Variants in NEB observed in about 807,000 individuals in gnomAD.
The protein encoded by NEB is nebulin.
Under a neutral mutation model 952.2 loss-of-function variants are expected in NEB, and 512 were observed. That is an observed-to-expected ratio of 0.54 (90% CI 0.50 to 0.58). The LOEUF (loss-of-function observed/expected upper bound fraction) is 0.58. Ranked by LOEUF, NEB falls within the 20% of genes least tolerant of loss-of-function variation. The probability of loss-of-function intolerance (pLI) is 0.00; values close to 1 mark genes in which losing one functional copy is unlikely to be tolerated. For synonymous variants in NEB, 2,900 were observed against 3,149.8 expected, an observed-to-expected ratio of 0.92 and a Z score of 2.66; for missense variants, 8,428 against 9,231.1, an observed-to-expected ratio of 0.91 and a Z score of 3.56.
intron 135 of NEB, among the ~76,000 whole-genome samples, chr2:151,543,833 C>T (rs755759817): frequency 1.2e-4 from 18 of 152,142 alleles, no homozygotes; most frequent in Non-Finnish European, 2.2e-4. Context: ...ATTATATTTC[C>T]CCTGTACTTA....
rs577322365 is a variant in NEB, at chr2:151,637,616, C to T, written c.8995-1282G>A. ...ACCTGGGCCTCCTGGGACTGGCAGC[C>T]GAGTAGCCGCACTAACACATCTCTG... On this transcript the variant is annotated intron_variant, in intron 63 of 181. Transcript: ENST00000397345. Among the ~76,000 whole-genome samples, 69 of 152,238 alleles carry T rather than the reference C, an allele frequency of 4.5e-4. No individual in the cohort carries two copies. In the South Asian group the frequency reaches 8.5e-3, roughly 19 times the overall value.
intron 168 of NEB, among the ~76,000 whole-genome samples, chr2:151,500,064 G>A (rs111835809): frequency 2.6e-5 from 4 of 152,144 alleles, no homozygotes; most frequent in Admixed American, 1.3e-4. Flanking sequence ...TTTGAAAATC[G>A]TTGCAAGCCT....
chr2:151,663,030 T>G (rs1280089971), intron 45 of NEB, among the ~76,000 whole-genome samples: 1 of 152,210 alleles, frequency 6.6e-6, no homozygotes, highest in African/African-American at 2.4e-5. Context: ...ACTCTTTAGC[T>G]AAATTCTTGG....
chr2:151,702,751 C>T (rs975107695), intron 13 of NEB, among the ~76,000 whole-genome samples: 2 of 152,116 alleles, frequency 1.3e-5, no homozygotes, highest in African/African-American at 4.8e-5. Context: ...TATTTTGAGC[C>T]TATGTGTGTC....
chr2:151,510,922 C>T (rs1175203905), intron 161 of NEB, among the ~76,000 whole-genome samples: 3 of 152,152 alleles, frequency 2.0e-5, no homozygotes, highest in South Asian at 2.1e-4. Context: ...CATTGGAAAT[C>T]GAGAAGCAAG....
Position 151,665,520 on chromosome 2 carries a change from A to G in NEB, c.5051T>C (p.Phe1684Ser). 1.9e-6 allele frequency: 3 copies of G among 1,607,352 alleles called. No individual in the cohort carries two copies. Among genetic ancestry groups the G allele is most frequent in the South Asian group, 2.2e-5 (2 of 89,540 alleles). Reference sequence around the variant, plus strand: ...GCCGATCCCTTTCATCCAATTGGTGAAGTCAGATTTGTACAGATTCTTTAC... The same window carrying G: ...GCCGATCCCTTTCATCCAATTGGTGGAGTCAGATTTGTACAGATTCTTTAC... ...IQSDNLYKSD[F>S]TNWMKGIGWV... is the part of the protein sequence containing the mutation. Residue 1684 changes from phenylalanine (F) to serine (S), a missense_variant, in exon 42 of 182, where the codon TTC (phenylalanine) becomes TCC (serine). This residue lies in a region of NEB where 2,851 missense variants were observed against 2,791.5 expected (regional missense o/e 1.02). Coordinates refer to ENST00000397345, the MANE Select transcript of NEB (RefSeq NM_001164508.2).
chr2:151,657,838 C>G, intron 48 of NEB, 145 bp downstream of exon 48: 2 of 643,050 alleles, frequency 3.1e-6, no homozygotes, highest in Non-Finnish European at 5.3e-6. Context: ...TCAGAGAAAA[C>G]ACAAAAGCAA....
intron 113 of NEB, 94 bp from the exon 114 acceptor site, chr2:151,567,573 G>T: frequency 8.3e-7 from 1 of 1,203,830 alleles, no homozygotes; most frequent in Non-Finnish European, 1.1e-6. Flanking sequence ...AGCAAATTCA[G>T]CCCCCCAGCT....
chr2:151,642,675 A>G lies in NEB; in HGVS notation c.8272T>C (p.Tyr2758His). Reference protein sequence around the residue: ...QNKVNYSEKLYKLGLEEAKRK... With the variant: ...QNKVNYSEKLHKLGLEEAKRK... The stretch of plus-strand genomic sequence containing the variant: ...TTGGCTTCTTCTAGGCCAAGCTTAT[A>G]CAATTTCTAAAATAGACATTAATAG... Residue 2758 changes from tyrosine to histidine, a missense_variant, in exon 60 of 182, where the codon TAT becomes CAT. Tyr to His is a moderately conservative substitution (Grantham distance 83). This residue lies in a region of NEB where 1,772 missense variants were observed against 1,960.3 expected (regional missense o/e 0.90). Transcript: ENST00000397345. 6.2e-7 allele frequency: 1 copy of G among 1,613,648 alleles called. No individual in the cohort carries two copies.
intron 69 of NEB, 114 bp downstream of exon 69, chr2:151,627,409 C>T: frequency 6.8e-7 from 1 of 1,479,354 alleles, no homozygotes; most frequent in Non-Finnish European, 9.1e-7. Context: ...AAAAAATGAG[C>T]AGAGAGAAGA....
rs2099757921 is a variant in NEB at position 151,716,012 on chromosome 2, AT to A, written c.822+1403del. The A allele has an allele frequency of 1.9e-5, 5 of 268,122 alleles. No individual in the cohort carries two copies. The Admixed American group carries it at 2.3e-4, about 12-fold the overall frequency. The allele number at this position is 268,122 out of a possible 1,614,324, so 16.6% of individuals were successfully genotyped here. On this transcript the variant is annotated intron_variant, in intron 10 of 181. Transcript: ENST00000397345. ...CTTTTAAAATAGACTTTAAATAAAC[AT>A]TTAAAAATAGATTCCTTTTTCTTTC...
chr2:151,572,255 G>A (rs1409492781), intron 107 of NEB, among the ~76,000 whole-genome samples: 1 of 152,056 alleles, frequency 6.6e-6, no homozygotes, highest in African/African-American at 2.4e-5. Context: ...CCGGGAGGCA[G>A]AAGTTTCAGC....
chr2:151,488,156 TA>T lies in NEB; in HGVS notation c.25404+1814del, dbSNP rs533775799. ...TATTTTGAGGGCGAGGGGAATAATT[TA>T]TCAGTGAATTTTAGAGTTCTTTATT... On this transcript the variant is annotated intron_variant, in intron 181 of 181. Transcript: ENST00000397345. 2.0e-5 allele frequency among the ~76,000 whole-genome samples: 3 copies of T among 152,298 alleles called. No homozygotes were observed. The South Asian group carries it at 6.2e-4, about 32-fold the overall frequency.
At position 151,688,364 on chromosome 2, in the gene NEB, C is replaced by T. The variant is rs191610670; in HGVS notation, c.2343G>A (p.Lys781=). Residue 781 remains lysine, a synonymous_variant, in exon 25 of 182, where the codon AAG becomes AAA. Transcript: ENST00000397345. ...LNYKAKHEGE[K]FKCHIPADAP... ...CATCTGCTGGTATATGGCACTTGAA[C>T]TTCTCACCTTCATGTTTTGCTTTGT... The T allele has an allele frequency of 2.8e-4, 451 of 1,613,862 alleles. 4 individuals carry two copies. The East Asian group carries it at 9.5e-3, about 34-fold the overall frequency.
chr2:151,657,665 C>A (rs1336348628), intron 48 of NEB, among the ~76,000 whole-genome samples: 1 of 152,148 alleles, frequency 6.6e-6, no homozygotes, highest in Non-Finnish European at 1.5e-5. Flanking sequence ...GAGGCAAGAA[C>A]AACACAAGAC....
chr2:151,581,409 T>A, intron 103 of NEB, 74 bp downstream of exon 103: 1 of 445,222 alleles, frequency 2.2e-6, no homozygotes, highest in Non-Finnish European at 3.8e-6. Flanking sequence ...TGACAAACTC[T>A]CTTTGGGGTG....
At chr2:151,648,338 A>G (rs780182738) in intron 54 of NEB, among the ~76,000 whole-genome samples, 31 of 152,212 alleles carry the variant, frequency 2.0e-4, no homozygotes, top group Middle Eastern at 3.2e-3. Flanking sequence ...AGAGAAGCCA[A>G]TTAAGACCCT....
chr2:151,680,008 G>A lies in NEB; in HGVS notation c.3057C>T (p.Ala1019=). 6.2e-7 allele frequency: 1 copy of A among 1,609,756 alleles called. No homozygotes were observed. Residue 1019 remains alanine, a synonymous_variant, in exon 31 of 182, where the codon GCC becomes GCT. Transcript: ENST00000397345. The part of the protein sequence containing the change: ...QAQRSDIAYK[A]KGEEIIHKYN... ...ATTTGTGAATAATTTCCTCTCCTTT[G>A]GCTTTGTAAGCGATCTGAAAGAGAA...
At chr2:151,675,828 G>A (rs2099355218) in intron 34 of NEB, among the ~76,000 whole-genome samples, 1 of 152,110 alleles carries the variant, frequency 6.6e-6, no homozygotes, top group Non-Finnish European at 1.5e-5. Flanking sequence ...AATTGTATCA[G>A]TGAAAGCATA....
Sources: gnomAD v4.1 joint callset for allele counts (sites outside exome capture counted in the v4.1 genomes callset) on GRCh38, gnomAD v4.1.1 for gene constraint, gnomAD v4.1.1 regional missense constraint, MANE v1.5 for transcripts, NCBI Gene and HGNC (gene_info 2026-07-23, HGNC 2026-07-21) for gene names.